GPA33: variants seen among roughly 807,000 people sequenced by gnomAD.
The protein encoded by GPA33 is glycoprotein A33.
In GPA33, 27 loss-of-function variants were observed where a neutral mutation model predicts 35.6. The ratio of observed to expected loss-of-function variants is 0.76; its 90% CI spans 0.56 to 1.04. The LOEUF (loss-of-function observed/expected upper bound fraction) is 1.04, where lower values mean the gene tolerates loss of function less well. GPA33 is among the 50% of genes least tolerant of loss of function. GPA33 has a pLI of 0.00. For synonymous variants in GPA33, 176 were observed against 164.0 expected, an observed-to-expected ratio of 1.07 and a Z score of -0.56; for missense variants, 428 against 411.9, an observed-to-expected ratio of 1.04 and a Z score of -0.34.
In GPA33 at chr1:167,068,996, G is replaced by A; in HGVS notation, c.341C>T (p.Thr114Ile). Residue 114 changes from threonine to isoleucine, a missense_variant, in exon 3 of 7, where the codon ACC (threonine) becomes ATC (isoleucine). By Grantham distance (89) the Thr-to-Ile change is moderately conservative. Transcript: ENST00000367868. ...IDQLTMADNG[T>I]YECSVSLMSD... ...CATCAGCGAGACAGAACACTCGTAG[G>A]TGCCGTTGTCAGCCATGGTCAGCTG... 1 of 1,614,090 alleles carries A rather than the reference G, an allele frequency of 6.2e-7. No individual in the cohort carries two copies. Among genetic ancestry groups the A allele is most frequent in the Non-Finnish European group, 8.5e-7 (1 of 1,180,026 alleles).
At chr1:167,076,405 C>T (rs1160376585) in intron 1 of GPA33, among the ~76,000 whole-genome samples, 5 of 152,076 alleles carry the variant, frequency 3.3e-5, no homozygotes, top group Non-Finnish European at 1.5e-5. Context: ...CTGAATGTTC[C>T]CATGATGAGG....
intron 5 of GPA33, 61 bp from the exon 6 acceptor site, chr1:167,055,172 C>A: frequency 6.4e-7 from 1 of 1,571,388 alleles, no homozygotes; most frequent in South Asian, 1.1e-5. Flanking sequence ...GGTCTCCTCC[C>A]AGCCAGGGGA....
At chr1:167,086,373 C>T (rs1240570207) in intron 1 of GPA33, among the ~76,000 whole-genome samples, 1 of 152,230 alleles carries the variant, frequency 6.6e-6, no homozygotes, top group Non-Finnish European at 1.5e-5. Flanking sequence ...CAAATACTAC[C>T]CTCTTGAGGT....
At chr1:167,082,332 T>C (rs1223755236) in intron 1 of GPA33, 2 of 455,596 alleles carry the variant, frequency 4.4e-6, no homozygotes, top group Admixed American at 4.7e-5. Flanking sequence ...CATACAGCCC[T>C]CTTTTAACAA....
chr1:167,085,673 C>T (rs1295632122), intron 1 of GPA33, among the ~76,000 whole-genome samples: 1 of 152,212 alleles, frequency 6.6e-6, no homozygotes, highest in African/African-American at 2.4e-5. Flanking sequence ...CCCCAGATGA[C>T]TTGTATGCAC....
chr1:167,060,127 G>A (rs1206892592), intron 4 of GPA33, among the ~76,000 whole-genome samples: 1 of 152,202 alleles, frequency 6.6e-6, no homozygotes, highest in Non-Finnish European at 1.5e-5. Context: ...TGCCCAGGCT[G>A]CAGTGGCACC....
intron 6 of GPA33, 110 bp downstream of exon 6, chr1:167,054,866 G>T: frequency 8.1e-7 from 1 of 1,230,448 alleles, no homozygotes; most frequent in Non-Finnish European, 1.2e-6. Flanking sequence ...CACAAAATGG[G>T]GGTGATATAC....
intron 1 of GPA33, among the ~76,000 whole-genome samples, chr1:167,077,981 G>A (rs1306939473): frequency 6.6e-6 from 1 of 152,246 alleles, no homozygotes; most frequent in Non-Finnish European, 1.5e-5. Context: ...AAATGGCAGA[G>A]CTGCTGGCAA....
chr1:167,087,808 A>C (rs6680608), intron 1 of GPA33, among the ~76,000 whole-genome samples: 59,329 of 151,240 alleles, frequency 0.39, 12,194 homozygotes, highest in East Asian at 0.72. Flanking sequence ...CCCAGCTACT[A>C]GGGAGGCTGA....
At chr1:167,089,622 C>A (rs1411424632) in intron 1 of GPA33, among the ~76,000 whole-genome samples, 1 of 152,184 alleles carries the variant, frequency 6.6e-6, no homozygotes, top group Non-Finnish European at 1.5e-5. Flanking sequence ...CAACCATATA[C>A]TCATGAATGT....
At position 167,073,242 on chromosome 1, in the gene GPA33, C is replaced by G. The variant is rs573344597; in HGVS notation, c.198+143G>C. 3.5e-5 allele frequency: 23 copies of G among 666,136 alleles called. No homozygotes were observed. In the South Asian group the frequency reaches 4.5e-4, roughly 13 times the overall value. 41.3% of individuals were successfully genotyped at this position (666,136 alleles called of 1,614,324 possible). A position where few individuals can be genotyped will look rare whatever the true frequency, so the allele number is the denominator to read the frequency against. On this transcript the variant is annotated intron_variant, in intron 2 of 6. Transcript: ENST00000367868. ...TGGCCCTCCATGAGCCCAACATTCA[C>G]TGCTCCCTCCCCACCCACTCCAGCC...
rs575524973 is a variant in GPA33 at position 167,056,422 on chromosome 1, A to ATG, written c.572-575_572-574dup. Among the ~76,000 whole-genome samples, 437 of 150,242 alleles carry ATG rather than the reference A, an allele frequency of 2.9e-3. 1 individual carries two copies. Among genetic ancestry groups the ATG allele is most frequent in the Non-Finnish European group, 4.4e-3 (295 of 67,312 alleles). ...GCCATGAGAGAGGTGTGTGGGGTGT[A>ATG]TGTGTGTGTGTGTGTCTGTGTGTTA... On this transcript the variant is annotated intron_variant, in intron 4 of 6. Coordinates refer to ENST00000367868, the MANE Select transcript of GPA33 (RefSeq NM_005814.3).
At chr1:167,080,333 C>A (rs947700568) in intron 1 of GPA33, among the ~76,000 whole-genome samples, 1 of 152,174 alleles carries the variant, frequency 6.6e-6, no homozygotes, top group African/African-American at 2.4e-5. Flanking sequence ...AGTGCAAGCG[C>A]CTTTACCTGC....
At chr1:167,080,506 A>G (rs115840345) in intron 1 of GPA33, among the ~76,000 whole-genome samples, 1,841 of 152,286 alleles carry the variant, frequency 0.012, 59 homozygotes, top group African/African-American at 0.043. Context: ...TTTATTACAC[A>G]ATACAGCAGC....
chr1:167,079,721 G>A (rs1255719669), intron 1 of GPA33, among the ~76,000 whole-genome samples: 2 of 152,208 alleles, frequency 1.3e-5, no homozygotes, highest in African/African-American at 4.8e-5. Flanking sequence ...CACCCATTCA[G>A]TCAATATCCT....
intron 3 of GPA33, among the ~76,000 whole-genome samples, chr1:167,067,626 G>A (rs954145996): frequency 6.6e-6 from 1 of 152,062 alleles, no homozygotes; most frequent in Non-Finnish European, 1.5e-5. Flanking sequence ...TGTGTGTATG[G>A]GATGTCTATT....
intron 1 of GPA33, among the ~76,000 whole-genome samples, chr1:167,080,360 C>T (rs1156919165): frequency 6.6e-6 from 1 of 152,212 alleles, no homozygotes; most frequent in Non-Finnish European, 1.5e-5. Context: ...GGAATCATAA[C>T]AATCTCTTGC....
intron 1 of GPA33, among the ~76,000 whole-genome samples, chr1:167,089,922 C>T (rs1449543709): frequency 6.6e-6 from 1 of 151,974 alleles, no homozygotes; most frequent in African/African-American, 2.4e-5. Flanking sequence ...TTTTCTAGGA[C>T]AACTCCGATT....
intron 1 of GPA33, among the ~76,000 whole-genome samples, chr1:167,077,866 T>G (rs2102196883): frequency 6.6e-6 from 1 of 152,362 alleles, no homozygotes; most frequent in South Asian, 2.1e-4. Flanking sequence ...CATACTCTCT[T>G]TAATGATAGA....
Sources: allele counts gnomAD v4.1 joint callset (sites outside exome capture counted in the v4.1 genomes callset), GRCh38; gene constraint gnomAD v4.1.1; transcripts MANE v1.5; gene names NCBI Gene and HGNC (gene_info 2026-07-23, HGNC 2026-07-21).